The following SV2C variants were observed in gnomAD, a reference collection of about 807,000 sequenced individuals.
SV2C encodes synaptic vesicle glycoprotein 2C.
Under a neutral mutation model 79.7 loss-of-function variants are expected in SV2C, and 49 were observed. The observed-to-expected ratio is 0.61, with a 90% CI of 0.49 to 0.78. The LOEUF (loss-of-function observed/expected upper bound fraction) is 0.78. Among genes scored for constraint, SV2C ranks in the 30% least tolerant of loss-of-function variants. The probability of loss-of-function intolerance (pLI) is 0.00; values close to 1 mark genes in which losing one functional copy is unlikely to be tolerated. For missense variants in SV2C, 833 were observed against 912.9 expected, an observed-to-expected ratio of 0.91 and a Z score of 1.13; for synonymous variants, 334 against 333.2, an observed-to-expected ratio of 1.00 and a Z score of -0.03.
At chr5:75,959,748 T>C in the SV2C span, among the ~76,000 whole-genome samples, 1 of 152,016 alleles carries the variant, frequency 6.6e-6, no homozygotes, top group Non-Finnish European at 1.5e-5. Flanking sequence ...CACATATTCA[T>C]TCCACATTTA....
At chr5:76,172,154 A>G (rs1743307607) in intron 2 of SV2C, among the ~76,000 whole-genome samples, 1 of 27,864 alleles carries the variant, frequency 3.6e-5, no homozygotes. Flanking sequence ...CCCGTCTGAG[A>G]GGTGAGGGGC....
chr5:76,037,847 T>G, the SV2C span, among the ~76,000 whole-genome samples: 1 of 152,202 alleles, frequency 6.6e-6, no homozygotes, highest in African/African-American at 2.4e-5. Context: ...CCCAGCCTCG[T>G]TGCCGCCTTG....
the SV2C span, among the ~76,000 whole-genome samples, chr5:75,881,822 T>A: frequency 6.7e-6 from 1 of 149,310 alleles, no homozygotes; most frequent in Non-Finnish European, 1.5e-5. Context: ...TGGCCAGAAC[T>A]TCCAACACTA....
At chr5:76,230,076 G>A (rs73766718) in intron 4 of SV2C, among the ~76,000 whole-genome samples, 3 of 151,984 alleles carry the variant, frequency 2.0e-5, no homozygotes, top group Non-Finnish European at 1.5e-5. Flanking sequence ...CACAAGGCAG[G>A]GCAGTACTTT....
At chr5:76,288,834 G>T (rs1747447402) in intron 6 of SV2C, among the ~76,000 whole-genome samples, 1 of 151,046 alleles carries the variant, frequency 6.6e-6, no homozygotes, top group Non-Finnish European at 1.5e-5. Context: ...TAAATCCACG[G>T]TACAGCAAAG....
the SV2C span, among the ~76,000 whole-genome samples, chr5:75,955,657 G>T: frequency 6.8e-6 from 1 of 147,912 alleles, no homozygotes; most frequent in Non-Finnish European, 1.5e-5. Context: ...CTGACAAAGG[G>T]CTAATATCCA....
At chr5:75,849,450 AAGACCACTGTAT>A in the SV2C span, among the ~76,000 whole-genome samples, 2 of 152,228 alleles carry the variant, frequency 1.3e-5, no homozygotes, top group Non-Finnish European at 2.9e-5. Flanking sequence ...TATTTAAAAA[AAGACCACTGTAT>A]AGACCACCAT....
chr5:75,960,276 C>G, the SV2C span, among the ~76,000 whole-genome samples: 1 of 151,930 alleles, frequency 6.6e-6, no homozygotes, highest in Admixed American at 6.6e-5. Flanking sequence ...CTGTCTGTTG[C>G]TCTGCTCTTT....
At chr5:76,060,482 A>G in the SV2C span, among the ~76,000 whole-genome samples, 1 of 152,170 alleles carries the variant, frequency 6.6e-6, no homozygotes, top group East Asian at 1.9e-4. Flanking sequence ...TGAATTATGG[A>G]ACCAGCTTCT....
chr5:76,116,844 G>C (rs1748283683), intron 1 of SV2C, among the ~76,000 whole-genome samples: 1 of 152,164 alleles, frequency 6.6e-6, no homozygotes, highest in East Asian at 1.9e-4. Context: ...TGAGATCTTG[G>C]TAACTACTTA....
intron 4 of SV2C, among the ~76,000 whole-genome samples, chr5:76,257,667 G>A (rs185412901): frequency 5.0e-4 from 76 of 150,788 alleles, no homozygotes; most frequent in Admixed American, 2.2e-3. Flanking sequence ...GAAGTGTGGC[G>A]TGTGTGTGGT....
the SV2C span, among the ~76,000 whole-genome samples, chr5:76,047,766 CT>C: frequency 0.022 from 2,880 of 129,142 alleles, 67 homozygotes; most frequent in African/African-American, 0.077. Context: ...TTTTTCTTTT[CT>C]TTTTTTTTTT....
intron 1 of SV2C, among the ~76,000 whole-genome samples, chr5:76,102,682 G>T (rs1747784320): frequency 6.6e-6 from 1 of 152,170 alleles, no homozygotes; most frequent in Non-Finnish European, 1.5e-5. Context: ...AAAAACCCAA[G>T]TTCTGCCCAT....
the SV2C span, among the ~76,000 whole-genome samples, chr5:75,866,333 G>C: frequency 6.6e-6 from 1 of 152,156 alleles, no homozygotes; most frequent in Non-Finnish European, 1.5e-5. Context: ...ACTGATGTTA[G>C]TTGTAAGGGA....
At chr5:76,295,118 C>A (rs1747701414) in intron 8 of SV2C, among the ~76,000 whole-genome samples, 1 of 152,136 alleles carries the variant, frequency 6.6e-6, no homozygotes, top group South Asian at 2.1e-4. Context: ...TAACAAAATA[C>A]CACAACAGGT....
At position 76,298,836 on chromosome 5, in the gene SV2C, T is replaced by C. The variant is rs1202310495; in HGVS notation, c.1545T>C (p.Ser515=). The C allele has an allele frequency of 6.2e-7, 1 of 1,613,864 alleles. No individual in the cohort carries two copies. Among genetic ancestry groups the C allele is most frequent in the African/African-American group, 1.3e-5 (1 of 74,916 alleles). Reference sequence around the variant, plus strand: ...TCAAATCTGTAACTTTCAAAGACTCTGTTTTTAAGTCCTGCACCTTTGAGG... The same window carrying C: ...TCAAATCTGTAACTTTCAAAGACTCCGTTTTTAAGTCCTGCACCTTTGAGG... ...VKFKSVTFKD[S]VFKSCTFEDV... The change falls in exon 10 of 13, where the codon TCT becomes TCC. Residue 515 remains serine, a synonymous_variant. Transcript: ENST00000502798.
chr5:76,138,342 A>G (rs902636432), intron 2 of SV2C, among the ~76,000 whole-genome samples: 1 of 152,156 alleles, frequency 6.6e-6, no homozygotes, highest in African/African-American at 2.4e-5. Flanking sequence ...TAACCCTGAG[A>G]AGAACACAAG....
the SV2C span, among the ~76,000 whole-genome samples, chr5:75,977,022 A>G: frequency 6.6e-6 from 1 of 152,266 alleles, no homozygotes; most frequent in Non-Finnish European, 1.5e-5. Flanking sequence ...CAGAAATGAC[A>G]GAAAAGGGTA....
At position 76,207,165 on chromosome 5, in the gene SV2C, C is replaced by CAA. The variant is rs34587990; in HGVS notation, c.762-2560_762-2559dup. Among the ~76,000 whole-genome samples, 512 of 143,378 alleles carry CAA rather than the reference C, an allele frequency of 3.6e-3. 3 individuals are homozygous for CAA. The highest frequency in any genetic ancestry group is 9.2e-3 in the South Asian group (42 of 4,562). 94.1% of individuals were successfully genotyped at this position (143,378 alleles called of 152,430 possible). A position where few individuals can be genotyped will look rare whatever the true frequency, so the allele number is the denominator to read the frequency against. ...TCCACTTGAAATTATAGCCACACTG[C>CAA]AAAAAAAAAAAAGAAAGAAAGAAAT... is the stretch of plus-strand genomic sequence containing the variant. On this transcript the variant is annotated intron_variant, in intron 3 of 12. Transcript: ENST00000502798.
Sources: gnomAD v4.1 joint callset for allele counts (sites outside exome capture counted in the v4.1 genomes callset) on GRCh38, gnomAD v4.1.1 for gene constraint, MANE v1.5 for transcripts, NCBI Gene and HGNC (gene_info 2026-07-23, HGNC 2026-07-21) for gene names.